ST6GALNAC5: variants seen among roughly 807,000 people sequenced by gnomAD.
ST6GALNAC5 encodes alpha-N-acetylgalactosaminide alpha-2,6-sialyltransferase 5.
ST6GALNAC5 carries 27 observed loss-of-function variants against 33.6 expected under a neutral mutation model. The ratio of observed to expected loss-of-function variants is 0.80; its 90% confidence interval spans 0.59 to 1.11. The LOEUF is 1.11. Ranked by LOEUF, ST6GALNAC5 falls within the 50% of genes least tolerant of loss-of-function variation. The probability of loss-of-function intolerance (pLI) is 0.00; values close to 1 mark genes in which losing one functional copy is unlikely to be tolerated. For missense variants in ST6GALNAC5, 428 were observed against 454.0 expected (o/e 0.94, Z 0.52); for synonymous variants, 194 against 171.2 (o/e 1.13, Z -1.04).
chr1:76,962,019 A>G (rs573779903), intron 2 of ST6GALNAC5, among the ~76,000 whole-genome samples: 2 of 152,198 alleles, frequency 1.3e-5, no homozygotes, highest in Non-Finnish European at 2.9e-5. Context: ...ATGTAAAGCA[A>G]CTGGTGAGGG....
intron 2 of ST6GALNAC5, among the ~76,000 whole-genome samples, chr1:76,916,622 C>T (rs1241076791): frequency 6.6e-6 from 1 of 152,038 alleles, no homozygotes; most frequent in Non-Finnish European, 1.5e-5. Flanking sequence ...TAAGGAGAAA[C>T]CACAAGGCTT....
intron 2 of ST6GALNAC5, among the ~76,000 whole-genome samples, chr1:76,982,570 C>A (rs577841286): frequency 2.6e-5 from 4 of 152,148 alleles, no homozygotes; most frequent in Non-Finnish European, 4.4e-5. Flanking sequence ...GCGGATGAAG[C>A]CAAGTTGGAA....
In ST6GALNAC5 at chr1:77,044,423, A is replaced by C; in HGVS notation, c.481A>C (p.Asn161His). The change falls in exon 3 of 5, where the codon AAC becomes CAC. Residue 161 changes from asparagine (N) to histidine (H), a missense_variant. Asn to His is a moderately conservative substitution (Grantham distance 68). Transcript: ENST00000477717. ...RILRNRHDLL[N>H]VSQGTVFIFW... ...CCTCCGCAACCGCCATGACCTGCTCAACGTGAGCCAGGGCACCGTGTTCAT... is the reference window on the plus strand; with the variant it reads ...CCTCCGCAACCGCCATGACCTGCTCCACGTGAGCCAGGGCACCGTGTTCAT... The C allele has an allele frequency of 6.2e-7, 1 of 1,613,426 alleles. No individual in the cohort carries two copies.
At chr1:76,880,662 G>A (rs1382487769) in intron 2 of ST6GALNAC5, among the ~76,000 whole-genome samples, 3 of 152,142 alleles carry the variant, frequency 2.0e-5, no homozygotes, top group African/African-American at 7.2e-5. Context: ...CAGCTTTGCT[G>A]GAAGCTGATT....
At chr1:77,041,060 C>A (rs970617956) in intron 2 of ST6GALNAC5, among the ~76,000 whole-genome samples, 12 of 152,242 alleles carry the variant, frequency 7.9e-5, no homozygotes, top group Admixed American at 3.3e-4. Context: ...CTTGTCACTT[C>A]TGTTCAGCTG....
At chr1:76,936,962 G>T (rs1488962451) in intron 2 of ST6GALNAC5, among the ~76,000 whole-genome samples, 4 of 145,790 alleles carry the variant, frequency 2.7e-5, no homozygotes, top group Non-Finnish European at 5.9e-5. Context: ...GGGTGTGTGT[G>T]TGTGTGTGTG....
chr1:77,005,303 A>AC (rs573976202), intron 2 of ST6GALNAC5, among the ~76,000 whole-genome samples: 3,910 of 152,178 alleles, frequency 0.026, 58 homozygotes, highest in Middle Eastern at 0.034. Context: ...GAACTCCCTG[A>AC]CCCTTGCGCT....
intron 2 of ST6GALNAC5, among the ~76,000 whole-genome samples, chr1:76,897,534 A>G (rs184531977): frequency 0.017 from 2,626 of 151,998 alleles, 80 homozygotes; most frequent in African/African-American, 0.059. Context: ...ATCGGGGTAA[A>G]GGTGGTTAGG....
chr1:77,012,335 A>T (rs879710503), intron 2 of ST6GALNAC5, among the ~76,000 whole-genome samples: 3 of 152,246 alleles, frequency 2.0e-5, no homozygotes, highest in Non-Finnish European at 2.9e-5. Flanking sequence ...CCCAGCAGTC[A>T]GTTGCTGACA....
At chr1:76,956,025 C>T (rs939488540) in intron 2 of ST6GALNAC5, among the ~76,000 whole-genome samples, 1 of 152,282 alleles carries the variant, frequency 6.6e-6, no homozygotes, top group South Asian at 2.1e-4. Flanking sequence ...TTCTGTTTCC[C>T]TTCTCTAATT....
rs991009552 is a variant in ST6GALNAC5, at chr1:77,066,467, G to A, written c.*3261G>A. 1.3e-5 allele frequency among the ~76,000 whole-genome samples: 2 copies of A among 152,086 alleles called. No homozygotes were observed. Among genetic ancestry groups the A allele is most frequent in the African/African-American group, 2.4e-5 (1 of 41,400 alleles). The stretch of plus-strand genomic sequence containing the variant: ...ACTCCCCTCAAAAATTAAAATTACC[G>A]ACTTAGAAGATGATAAATGCTAAGT... On this transcript the variant is annotated 3_prime_UTR_variant, in exon 5 of 5. Coordinates refer to ENST00000477717, the MANE Select transcript of ST6GALNAC5 (RefSeq NM_030965.3).
chr1:76,914,894 G>C (rs948610415), intron 2 of ST6GALNAC5, among the ~76,000 whole-genome samples: 3 of 152,066 alleles, frequency 2.0e-5, no homozygotes, highest in Admixed American at 1.3e-4. Context: ...TACCATCAGA[G>C]TGAACAGGCA....
chr1:77,046,535 C>T (rs1245921090), intron 3 of ST6GALNAC5, among the ~76,000 whole-genome samples: 1 of 152,178 alleles, frequency 6.6e-6, no homozygotes, highest in Non-Finnish European at 1.5e-5. Flanking sequence ...CAGCAGACCC[C>T]ATGGGCAGCC....
In ST6GALNAC5 at chr1:76,945,909, ATTG is replaced by A. The variant is rs755782598; in HGVS notation, c.261+77177_261+77179del. 3.3e-5 allele frequency among the ~76,000 whole-genome samples: 5 copies of A among 152,178 alleles called. No homozygotes were observed. In the East Asian group the frequency reaches 7.7e-4, roughly 24 times the overall value. ...TAGTCACAGAAAAAAATAGCCTTTT[ATTG>A]TTGTTGTTGGGTTTTCTTTGATTCC... On this transcript the variant is annotated intron_variant, in intron 2 of 4. Transcript: ENST00000477717.
intron 2 of ST6GALNAC5, among the ~76,000 whole-genome samples, chr1:77,014,153 T>C (rs1364206543): frequency 1.3e-5 from 2 of 152,224 alleles, no homozygotes; most frequent in African/African-American, 4.8e-5. Flanking sequence ...TCATAATTGA[T>C]ATGTTGCAGC....
intron 3 of ST6GALNAC5, among the ~76,000 whole-genome samples, chr1:77,047,185 G>C (rs900755640): frequency 9.9e-5 from 15 of 152,160 alleles, no homozygotes; most frequent in Non-Finnish European, 1.5e-4. Flanking sequence ...GTACACTGCT[G>C]CTTCCAGAAA....
At chr1:76,895,076 A>G (rs533543029) in intron 2 of ST6GALNAC5, among the ~76,000 whole-genome samples, 11 of 152,252 alleles carry the variant, frequency 7.2e-5, no homozygotes, top group African/African-American at 2.4e-4. Context: ...TTCACAAGAC[A>G]GTGTCATCAG....
chr1:77,027,301 A>G (rs145456438), intron 2 of ST6GALNAC5, among the ~76,000 whole-genome samples: 1 of 152,370 alleles, frequency 6.6e-6, no homozygotes, highest in East Asian at 1.9e-4. Context: ...CAGAGCACCT[A>G]CATTAGGGGG....
chr1:76,873,200 C>T (rs1333750383), intron 2 of ST6GALNAC5, among the ~76,000 whole-genome samples: 1 of 152,202 alleles, frequency 6.6e-6, no homozygotes, highest in African/African-American at 2.4e-5. Flanking sequence ...AGGTCTTTTG[C>T]ATGGTTGATT....
Sources: gnomAD v4.1 joint callset for allele counts (sites outside exome capture counted in the v4.1 genomes callset) on GRCh38, gnomAD v4.1.1 for gene constraint, MANE v1.5 for transcripts, NCBI Gene and HGNC (gene_info 2026-07-23, HGNC 2026-07-21) for gene names.